Variants in UQCC1 observed in about 807,000 individuals in gnomAD.
UQCC1 encodes ubiquinol-cytochrome c reductase complex assembly factor 1, also known as bFGF-repressed Zic-binding protein.
A neutral mutation model predicts 48.0 loss-of-function variants in UQCC1; 38 were observed. That is an observed-to-expected ratio of 0.79 (90% CI 0.61 to 1.04). The LOEUF (loss-of-function observed/expected upper bound fraction) is 1.04. Ranked by LOEUF, UQCC1 falls within the 50% of genes least tolerant of loss-of-function variation. UQCC1 has a pLI of 0.00. For synonymous variants in UQCC1, 111 were observed against 129.2 expected, an observed-to-expected ratio of 0.86 and a Z score of 0.95; for missense variants, 368 against 381.8, an observed-to-expected ratio of 0.96 and a Z score of 0.30.
intron 6 of UQCC1, 94 bp downstream of exon 6, chr20:35,366,463 T>C: frequency 1.9e-6 from 2 of 1,073,752 alleles, no homozygotes; most frequent in Non-Finnish European, 1.4e-6. Context: ...ACAACTGCCA[T>C]TTCATATAAT....
chr20:35,349,211 G>C (rs1774894019), intron 6 of UQCC1, among the ~76,000 whole-genome samples: 1 of 152,192 alleles, frequency 6.6e-6, no homozygotes, highest in African/African-American at 2.4e-5. Context: ...TACCAAATTT[G>C]CAGGTGACAA....
chr20:35,328,700 G>C (rs1038008549), intron 7 of UQCC1, among the ~76,000 whole-genome samples: 1 of 152,162 alleles, frequency 6.6e-6, no homozygotes, highest in Non-Finnish European at 1.5e-5. Flanking sequence ...TTGGAGATGA[G>C]AGCCTGGAAG....
intron 7 of UQCC1, among the ~76,000 whole-genome samples, chr20:35,342,576 C>T (rs1319318054): frequency 2.0e-5 from 3 of 152,162 alleles, no homozygotes; most frequent in Admixed American, 6.5e-5. Context: ...AGGCCAAAGG[C>T]GCTGTCTGTT....
chr20:35,367,706 G>A (rs894763542), intron 5 of UQCC1, among the ~76,000 whole-genome samples: 1 of 152,120 alleles, frequency 6.6e-6, no homozygotes, highest in African/African-American at 2.4e-5. Context: ...GTTACAGTGA[G>A]CCAAGATCAT....
At chr20:35,348,126 A>G (rs2061450731) in intron 6 of UQCC1, among the ~76,000 whole-genome samples, 1 of 152,216 alleles carries the variant, frequency 6.6e-6, no homozygotes, top group Non-Finnish European at 1.5e-5. Flanking sequence ...GCTTAAGTAC[A>G]GTAGGCACTC....
rs770038959 is a variant in UQCC1 at position 35,303,899 on chromosome 20, A to C, written c.*36T>G. On this transcript the variant is annotated 3_prime_UTR_variant, in exon 10 of 10. Coordinates refer to ENST00000374385, the MANE Select transcript of UQCC1 (RefSeq NM_018244.5). ...GCACTTCTCTCCTGGAGGTTCCTCGAAGCCAGCTGGCGGGCCGTGCGGAGG... is the reference window on the plus strand; with the variant it reads ...GCACTTCTCTCCTGGAGGTTCCTCGCAGCCAGCTGGCGGGCCGTGCGGAGG... 41 of 1,613,902 alleles carry C rather than the reference A, an allele frequency of 2.5e-5. No homozygotes were observed. Among genetic ancestry groups the C allele is most frequent in the Non-Finnish European group, 3.2e-5 (38 of 1,179,932 alleles).
intron 8 of UQCC1, among the ~76,000 whole-genome samples, chr20:35,308,225 C>A (rs918175556): frequency 2.0e-5 from 3 of 152,258 alleles, no homozygotes; most frequent in African/African-American, 7.2e-5. Context: ...CTCTGATAAA[C>A]CCTCCTTACG....
chr20:35,374,327 C>A, intron 4 of UQCC1, 71 bp from the exon 5 acceptor site: 2 of 1,161,394 alleles, frequency 1.7e-6, no homozygotes, highest in South Asian at 2.8e-5. Context: ...AGACATGGGT[C>A]ACAAAATCTT....
intron 5 of UQCC1, among the ~76,000 whole-genome samples, chr20:35,371,184 T>C (rs1205065765): frequency 6.6e-6 from 1 of 152,190 alleles, no homozygotes; most frequent in Non-Finnish European, 1.5e-5. Context: ...TATTCAATAC[T>C]ACAATATTAA....
At chr20:35,383,429 G>A (rs1214894481) in intron 3 of UQCC1, among the ~76,000 whole-genome samples, 1 of 152,144 alleles carries the variant, frequency 6.6e-6, no homozygotes, top group Non-Finnish European at 1.5e-5. Context: ...AGGCTGGCAT[G>A]GTGGCTCACA....
chr20:35,316,478 G>A (rs2146313128), intron 7 of UQCC1, among the ~76,000 whole-genome samples: 1 of 152,084 alleles, frequency 6.6e-6, no homozygotes. Context: ...TTTTACTTTG[G>A]GTCACAAATC....
chr20:35,356,358 T>C (rs987463782), intron 6 of UQCC1, among the ~76,000 whole-genome samples: 2 of 152,202 alleles, frequency 1.3e-5, no homozygotes, highest in Admixed American at 6.5e-5. Flanking sequence ...TGACCATTAT[T>C]AGGGTGACAT....
At chr20:35,366,454 C>G (rs1434372638) in intron 6 of UQCC1, 103 bp downstream of exon 6, 1 of 963,166 alleles carries the variant, frequency 1.0e-6, no homozygotes, top group Non-Finnish European at 1.6e-6. Context: ...AACACCTGAA[C>G]AACTGCCATT....
chr20:35,328,372 G>A (rs1038498256), intron 7 of UQCC1, among the ~76,000 whole-genome samples: 2 of 152,094 alleles, frequency 1.3e-5, no homozygotes, highest in Non-Finnish European at 2.9e-5. Flanking sequence ...CATATTAACA[G>A]ATGAAAATGC....
At chr20:35,365,542 A>G (rs1259049134) in intron 6 of UQCC1, among the ~76,000 whole-genome samples, 2 of 151,838 alleles carry the variant, frequency 1.3e-5, no homozygotes, top group Non-Finnish European at 2.9e-5. Context: ...CTGTAATCCC[A>G]GCTACTCGGA....
intron 4 of UQCC1, among the ~76,000 whole-genome samples, chr20:35,380,703 G>T (rs1379348751): frequency 6.6e-6 from 1 of 152,122 alleles, no homozygotes; most frequent in Non-Finnish European, 1.5e-5. Context: ...GACTGATTAG[G>T]CTTACCCAAT....
At chr20:35,355,473 A>G (rs2146410694) in intron 6 of UQCC1, among the ~76,000 whole-genome samples, 1 of 152,314 alleles carries the variant, frequency 6.6e-6, no homozygotes, top group South Asian at 2.1e-4. Flanking sequence ...TTAAGGACAG[A>G]AAAGCAGTCC....
intron 6 of UQCC1, among the ~76,000 whole-genome samples, chr20:35,362,582 C>CTTAG (rs1218683001): frequency 3.9e-5 from 6 of 152,152 alleles, no homozygotes; most frequent in Non-Finnish European, 7.3e-5. Context: ...TGGTCTTGAA[C>CTTAG]TCCTAACCTC....
chr20:35,342,758 T>C (rs2146376687), intron 7 of UQCC1, among the ~76,000 whole-genome samples: 1 of 152,374 alleles, frequency 6.6e-6, no homozygotes, highest in East Asian at 1.9e-4. Flanking sequence ...TAATGAACTT[T>C]ATTTCCACAG....
Sources: allele counts gnomAD v4.1 joint callset (sites outside exome capture counted in the v4.1 genomes callset), GRCh38; gene constraint gnomAD v4.1.1; transcripts MANE v1.5; gene names NCBI Gene and HGNC (gene_info 2026-07-23, HGNC 2026-07-21).